Variants in MTG1 observed in about 807,000 individuals in gnomAD.
MTG1 encodes the protein mitochondrial ribosome-associated GTPase 1.
In MTG1, 30 loss-of-function variants were observed where a neutral mutation model predicts 39.5. The observed-to-expected ratio is 0.76, with a 90% CI of 0.57 to 1.03. The LOEUF is 1.03. Among genes scored for constraint, MTG1 ranks in the 50% least tolerant of loss-of-function variants. MTG1 has a pLI of 0.00. For synonymous variants in MTG1, 217 were observed against 179.0 expected, an observed-to-expected ratio of 1.21 and a Z score of -1.69; for missense variants, 513 against 447.4, an observed-to-expected ratio of 1.15 and a Z score of -1.32.
intron 9 of MTG1, among the ~76,000 whole-genome samples, chr10:133,411,430 G>C (rs928805027): frequency 6.6e-6 from 1 of 152,188 alleles, no homozygotes. Flanking sequence ...AGTTTTATTT[G>C]GGTTAAATCT....
intron 9 of MTG1, among the ~76,000 whole-genome samples, chr10:133,413,533 C>T (rs1052608696): frequency 7.9e-5 from 12 of 152,202 alleles, no homozygotes; most frequent in African/African-American, 2.7e-4. Context: ...CAGATGTGAG[C>T]CACCGTGCCC....
chr10:133,420,192 G>A lies in MTG1; in HGVS notation c.*27G>A, dbSNP rs749041794. Reference sequence around the variant, plus strand: ...CTTGTCCGGGTAGGGAGGGCCGGAGGCATGTGGCCTCCCAGACCTCCTGAC... The same window carrying A: ...CTTGTCCGGGTAGGGAGGGCCGGAGACATGTGGCCTCCCAGACCTCCTGAC... On this transcript the variant is annotated 3_prime_UTR_variant, in exon 11 of 11. Transcript: ENST00000317502. The A allele has an allele frequency of 6.3e-7, 1 of 1,585,292 alleles. No homozygotes were observed. The highest frequency in any genetic ancestry group is 8.6e-7 in the Non-Finnish European group (1 of 1,165,664).
chr10:133,396,735 C>T (rs564600199), intron 3 of MTG1, among the ~76,000 whole-genome samples: 2 of 152,168 alleles, frequency 1.3e-5, no homozygotes, highest in South Asian at 2.1e-4. Context: ...ATAATTCTTG[C>T]TCTATAATCA....
At chr10:133,413,274 C>A (rs1158045454) in intron 9 of MTG1, among the ~76,000 whole-genome samples, 2 of 152,168 alleles carry the variant, frequency 1.3e-5, no homozygotes, top group Non-Finnish European at 2.9e-5. Context: ...CCATGCCCAG[C>A]TAATTGTTTT....
chr10:133,399,047 C>T, intron 4 of MTG1, 123 bp from the exon 5 acceptor site: 1 of 1,084,518 alleles, frequency 9.2e-7, no homozygotes, highest in Non-Finnish European at 1.4e-6. Flanking sequence ...TTTCTGTTTT[C>T]CTAACGGATA....
At chr10:133,396,127 A>C in intron 2 of MTG1, 36 bp from the exon 3 acceptor site, 3 of 1,584,822 alleles carry the variant, frequency 1.9e-6, no homozygotes, top group Non-Finnish European at 2.6e-6. Context: ...GTTGGCTGGT[A>C]AAGCTTTGGA....
chr10:133,394,656 C>T (rs1435928415), intron 1 of MTG1: 3 of 1,183,124 alleles, frequency 2.5e-6, no homozygotes, highest in African/African-American at 3.2e-5. Flanking sequence ...TTTAATCCCC[C>T]GAAGCCTCCG....
intron 9 of MTG1, among the ~76,000 whole-genome samples, chr10:133,408,677 G>C (rs1169449776): frequency 6.6e-6 from 1 of 152,148 alleles, no homozygotes; most frequent in East Asian, 1.9e-4. Flanking sequence ...ATCAGGACCT[G>C]GGATTTTCTT....
At chr10:133,408,342 T>C (rs956044562) in intron 9 of MTG1, among the ~76,000 whole-genome samples, 4 of 152,212 alleles carry the variant, frequency 2.6e-5, no homozygotes, top group African/African-American at 9.6e-5. Flanking sequence ...CTTGGTTCTG[T>C]TTAATGTTAT....
At chr10:133,405,496 C>T (rs898294854) in intron 9 of MTG1, among the ~76,000 whole-genome samples, 5 of 152,214 alleles carry the variant, frequency 3.3e-5, no homozygotes, top group African/African-American at 9.7e-5. Flanking sequence ...CTCTGTCCAT[C>T]CCCTCTTCCC....
chr10:133,405,413 T>C (rs1286449149), intron 9 of MTG1, among the ~76,000 whole-genome samples: 2 of 152,222 alleles, frequency 1.3e-5, no homozygotes, highest in African/African-American at 4.8e-5. Flanking sequence ...TGAATTGCTC[T>C]CTTCTGGTAT....
intron 9 of MTG1, among the ~76,000 whole-genome samples, chr10:133,406,937 C>G (rs183029076): frequency 6.6e-6 from 1 of 152,208 alleles, no homozygotes; most frequent in East Asian, 1.9e-4. Flanking sequence ...CCACCGCACC[C>G]GGCCAGATTT....
At position 133,402,601 on chromosome 10, in the gene MTG1, T is replaced by C; in HGVS notation, c.671-91T>C. On this transcript the variant is annotated intron_variant, in intron 8 of 10. Transcript: ENST00000317502. This position sits in a 1 kb window ranked among gnomAD's most constrained non-coding sequence, Gnocchi z 4.7. ...GGCCTCTTCCTCACGGCACGGTGTC[T>C]TTGGGCTAGGACTGGAAGGGATGTG... 8.4e-7 allele frequency: 1 copy of C among 1,196,920 alleles called. No homozygotes were observed. The highest frequency in any genetic ancestry group is 1.2e-6 in the Non-Finnish European group (1 of 839,748). 74.1% of individuals were successfully genotyped at this position (1,196,920 alleles called of 1,614,324 possible). A position where few individuals can be genotyped will look rare whatever the true frequency, so the allele number is the denominator to read the frequency against.
intron 3 of MTG1, among the ~76,000 whole-genome samples, chr10:133,396,474 A>G (rs377190979): frequency 6.6e-6 from 1 of 152,164 alleles, no homozygotes; most frequent in Non-Finnish European, 1.5e-5. Flanking sequence ...TGACCTGGAC[A>G]CCCAGGGAGT....
intron 9 of MTG1, among the ~76,000 whole-genome samples, chr10:133,415,184 AGGGAGAGGGAGCGGAGCGGGAGC>A (rs897906180): frequency 1.2e-4 from 18 of 151,952 alleles, no homozygotes; most frequent in African/African-American, 4.1e-4. Context: ...GACCGTGGAG[AGGGAGAGGGAGCGGAGCGGGAGC>A]GGGAGAGGGA....
At chr10:133,399,083 C>T in intron 4 of MTG1, 87 bp from the exon 5 acceptor site, 2 of 1,431,126 alleles carry the variant, frequency 1.4e-6, no homozygotes, top group South Asian at 1.1e-5. Context: ...ACTGGAATCC[C>T]TAATCCTGTT....
intron 9 of MTG1, among the ~76,000 whole-genome samples, chr10:133,409,481 A>T (rs1326394095): frequency 2.6e-5 from 4 of 152,210 alleles, no homozygotes; most frequent in Non-Finnish European, 5.9e-5. Context: ...CCATGTGCCG[A>T]TGAGAAGAAT....
At chr10:133,403,825 T>A (rs1447582645) in intron 9 of MTG1, among the ~76,000 whole-genome samples, 1 of 152,112 alleles carries the variant, frequency 6.6e-6, no homozygotes, top group Non-Finnish European at 1.5e-5. Context: ...AGGGGAGGCA[T>A]ATGTTTGAGT....
chr10:133,412,368 A>G (rs1237531020), intron 9 of MTG1, among the ~76,000 whole-genome samples: 2 of 152,112 alleles, frequency 1.3e-5, no homozygotes, highest in African/African-American at 4.8e-5. Context: ...AGTAGAATTG[A>G]TTTTTGTATA....
Sources: gnomAD v4.1 joint callset for allele counts (sites outside exome capture counted in the v4.1 genomes callset) on GRCh38, gnomAD v4.1.1 for gene constraint, Gnocchi (gnomAD v3.1) non-coding constraint, MANE v1.5 for transcripts, NCBI Gene and HGNC (gene_info 2026-07-23, HGNC 2026-07-21) for gene names.